DSCAM: variants seen among roughly 807,000 people sequenced by gnomAD.
The protein encoded by DSCAM is DS cell adhesion molecule.
A neutral mutation model predicts 217.7 loss-of-function variants in DSCAM; 47 were observed. The observed-to-expected ratio is 0.22, with a 90% CI of 0.17 to 0.28. The LOEUF is 0.28. Ranked by LOEUF, DSCAM falls within the 10% of genes least tolerant of loss-of-function variation. The probability of loss-of-function intolerance (pLI) is 1.00; values close to 1 mark genes in which losing one functional copy is unlikely to be tolerated. For missense variants in DSCAM, 2,080 were observed against 2,618.3 expected, an observed-to-expected ratio of 0.79 and a Z score of 4.49; for synonymous variants, 1,056 against 1,015.3, an observed-to-expected ratio of 1.04 and a Z score of -0.76.
chr21:40,533,151 C>T (rs947092395), intron 3 of DSCAM, among the ~76,000 whole-genome samples: 1 of 152,178 alleles, frequency 6.6e-6, no homozygotes, highest in Admixed American at 6.5e-5. Flanking sequence ...AAGATTGTTT[C>T]AGGATACTGT....
chr21:40,570,395 C>T (rs1055239906), intron 3 of DSCAM, among the ~76,000 whole-genome samples: 1 of 152,230 alleles, frequency 6.6e-6, no homozygotes, highest in Non-Finnish European at 1.5e-5. Context: ...AGCCCCACAT[C>T]ACCAGCCCGA....
intron 15 of DSCAM, among the ~76,000 whole-genome samples, chr21:40,177,825 G>C (rs1006569410): frequency 1.3e-5 from 2 of 152,218 alleles, no homozygotes; most frequent in Admixed American, 1.3e-4. Context: ...GGGTAGCAGA[G>C]ATGAGGTGGT....
intron 11 of DSCAM, among the ~76,000 whole-genome samples, chr21:40,252,711 C>T (rs2073321272): frequency 6.6e-6 from 1 of 152,106 alleles, no homozygotes; most frequent in Admixed American, 6.5e-5. Context: ...TTCTATGATT[C>T]AAGATTGAGG....
At chr21:40,620,396 GAA>G (rs1264741363) in intron 3 of DSCAM, among the ~76,000 whole-genome samples, 2 of 132,226 alleles carry the variant, frequency 1.5e-5, no homozygotes, top group East Asian at 4.7e-4. Context: ...GAGAAAGAAA[GAA>G]AGAAAGGAGG....
intron 26 of DSCAM, among the ~76,000 whole-genome samples, chr21:40,075,887 G>A (rs916802437): frequency 2.0e-5 from 3 of 152,138 alleles, no homozygotes; most frequent in African/African-American, 7.2e-5. Flanking sequence ...AACACTGAAG[G>A]AAGATGAACT....
At chr21:40,376,486 T>C (rs1271267215) in intron 3 of DSCAM, among the ~76,000 whole-genome samples, 1 of 128,664 alleles carries the variant, frequency 7.8e-6, no homozygotes, top group Non-Finnish European at 1.6e-5. Context: ...ATATATCTTA[T>C]ATAGATATCT....
intron 9 of DSCAM, among the ~76,000 whole-genome samples, chr21:40,301,994 G>T (rs541039159): frequency 6.8e-4 from 104 of 152,286 alleles, no homozygotes; most frequent in African/African-American, 2.5e-3. Context: ...GACTGTTGCC[G>T]TTTGGGCCAA....
At chr21:40,394,071 A>G (rs2075157334) in intron 3 of DSCAM, among the ~76,000 whole-genome samples, 1 of 152,256 alleles carries the variant, frequency 6.6e-6, no homozygotes, top group South Asian at 2.1e-4. Flanking sequence ...AAAGAAAGAC[A>G]TCAAACTGAT....
chr21:40,081,631 G>A (rs923168537), intron 24 of DSCAM, among the ~76,000 whole-genome samples: 1 of 152,092 alleles, frequency 6.6e-6, no homozygotes, highest in South Asian at 2.1e-4. Context: ...ACACATTGTA[G>A]GGACTCTGCT....
intron 1 of DSCAM, among the ~76,000 whole-genome samples, chr21:40,824,301 A>G (rs2039537380): frequency 6.6e-6 from 1 of 152,192 alleles, no homozygotes; most frequent in Non-Finnish European, 1.5e-5. Context: ...TGATTGCTCA[A>G]ATAGAGATGA....
intron 2 of DSCAM, among the ~76,000 whole-genome samples, chr21:40,696,602 T>C (rs755106036): frequency 2.6e-5 from 4 of 152,208 alleles, no homozygotes; most frequent in Non-Finnish European, 5.9e-5. Context: ...GTTCATGTTC[T>C]TAGCAACCAG....
At chr21:40,611,076 T>TG (rs1429126801) in intron 3 of DSCAM, among the ~76,000 whole-genome samples, 1 of 149,378 alleles carries the variant, frequency 6.7e-6, no homozygotes, top group African/African-American at 2.5e-5. Context: ...TTTTTTTTTT[T>TG]GGGATGGAGA....
intron 10 of DSCAM, among the ~76,000 whole-genome samples, chr21:40,281,759 G>A (rs561274484): frequency 4.3e-4 from 66 of 152,078 alleles, no homozygotes; most frequent in African/African-American, 1.5e-3. Flanking sequence ...ATAATTTTGA[G>A]CATCATGAAT....
intron 14 of DSCAM, among the ~76,000 whole-genome samples, chr21:40,185,561 C>T (rs1019814108): frequency 2.6e-5 from 4 of 152,184 alleles, no homozygotes; most frequent in Non-Finnish European, 4.4e-5. Flanking sequence ...GCCTGCAGCC[C>T]CATAGCCAGT....
intron 1 of DSCAM, among the ~76,000 whole-genome samples, chr21:40,834,268 A>G (rs895652032): frequency 9.2e-5 from 14 of 151,612 alleles, no homozygotes; most frequent in Non-Finnish European, 1.8e-4. Flanking sequence ...TTAGCCGGGC[A>G]TGGTGGCGGG....
chr21:40,540,046 G>A (rs548887991), intron 3 of DSCAM, among the ~76,000 whole-genome samples: 1 of 152,192 alleles, frequency 6.6e-6, no homozygotes, highest in East Asian at 1.9e-4. Context: ...TTATGCATTT[G>A]GGGTGCTTTA....
intron 3 of DSCAM, among the ~76,000 whole-genome samples, chr21:40,506,464 C>T (rs1328032052): frequency 6.6e-6 from 1 of 152,174 alleles, no homozygotes; most frequent in Non-Finnish European, 1.5e-5. Flanking sequence ...CTCCTTCTTG[C>T]TTCATTGGAA....
chr21:40,481,255 C>T (rs59104568), intron 3 of DSCAM, among the ~76,000 whole-genome samples: 28,275 of 151,932 alleles, frequency 0.19, 2,748 homozygotes, highest in African/African-American at 0.2. Context: ...TTTGGGAGGC[C>T]GAAGCAGACA....
intron 19 of DSCAM, among the ~76,000 whole-genome samples, chr21:40,130,188 T>A (rs1213384740): frequency 6.6e-6 from 1 of 152,260 alleles, no homozygotes; most frequent in East Asian, 1.9e-4. Flanking sequence ...GGAAGATTAA[T>A]AGATTGCATT....
Sources: allele counts gnomAD v4.1 joint callset (sites outside exome capture counted in the v4.1 genomes callset), GRCh38; gene constraint gnomAD v4.1.1; transcripts MANE v1.5; gene names NCBI Gene and HGNC (gene_info 2026-07-23, HGNC 2026-07-21).